PUS7: variants seen among roughly 807,000 people sequenced by gnomAD.
PUS7 encodes the protein pseudouridylate synthase 7 homolog.
A neutral mutation model predicts 79.8 loss-of-function variants in PUS7; 48 were observed. The observed-to-expected ratio is 0.60, with a 90% CI of 0.48 to 0.76. The LOEUF is 0.76. Among genes scored for constraint, PUS7 ranks in the 30% least tolerant of loss-of-function variants. PUS7 has a pLI of 0.00. For synonymous variants in PUS7, 286 were observed against 272.2 expected (o/e 1.05, Z -0.50); for missense variants, 729 against 797.6 (o/e 0.91, Z 1.04).
intron 5 of PUS7, among the ~76,000 whole-genome samples, chr7:105,498,869 T>C (rs1176278914): frequency 6.6e-6 from 1 of 152,226 alleles, no homozygotes; most frequent in Non-Finnish European, 1.5e-5. Context: ...TCAAGTGATC[T>C]GCCCGCCTCG....
In PUS7 at chr7:105,485,146, C is replaced by T. The variant is rs191825232; in HGVS notation, c.921-2706G>A. Among the ~76,000 whole-genome samples the T allele has an allele frequency of 2.0e-3, 301 of 151,650 alleles. 2 individuals carry two copies. Among genetic ancestry groups the T allele is most frequent in the African/African-American group, 7.0e-3 (290 of 41,360 alleles). ...CTGGGATTACAGGGGTCAGCCACCACACCTGGTCAGAGATTCTTTTTTTTT... is the reference window on the plus strand; with the variant it reads ...CTGGGATTACAGGGGTCAGCCACCATACCTGGTCAGAGATTCTTTTTTTTT... On this transcript the variant is annotated intron_variant, in intron 7 of 15. Transcript: ENST00000469408.
At chr7:105,464,310 G>C (rs1823551038) in intron 13 of PUS7, among the ~76,000 whole-genome samples, 1 of 152,208 alleles carries the variant, frequency 6.6e-6, no homozygotes, top group Non-Finnish European at 1.5e-5. Flanking sequence ...AGTAGGCACT[G>C]AGCTCAGCCT....
intron 12 of PUS7, among the ~76,000 whole-genome samples, chr7:105,466,530 G>C (rs1033292813): frequency 6.6e-6 from 1 of 151,980 alleles, no homozygotes; most frequent in South Asian, 2.1e-4. Context: ...TGGGATTACG[G>C]GTGTGAGCTA....
intron 1 of PUS7, among the ~76,000 whole-genome samples, chr7:105,512,488 G>A (rs540434390): frequency 6.6e-6 from 1 of 152,112 alleles, no homozygotes; most frequent in Non-Finnish European, 1.5e-5. Context: ...ACAATGCCTG[G>A]GCCAAATTTT....
intron 12 of PUS7, among the ~76,000 whole-genome samples, chr7:105,467,034 GTTTTTT>G (rs56177512): frequency 7.6e-4 from 54 of 70,692 alleles, no homozygotes; most frequent in African/African-American, 2.3e-3. Flanking sequence ...AGTTTTTTCT[GTTTTTT>G]TTTTTTTTTT....
intron 9 of PUS7, among the ~76,000 whole-genome samples, chr7:105,473,880 G>A (rs1459894859): frequency 6.6e-6 from 1 of 152,164 alleles, no homozygotes; most frequent in Non-Finnish European, 1.5e-5. Context: ...AAACTGAACG[G>A]TACATAAGAA....
intron 1 of PUS7, among the ~76,000 whole-genome samples, chr7:105,510,920 A>G (rs1201242677): frequency 6.6e-6 from 1 of 152,240 alleles, no homozygotes; most frequent in Non-Finnish European, 1.5e-5. Context: ...ATATCCATAA[A>G]TAAAGCAAAT....
chr7:105,498,428 G>A (rs1825120099), intron 5 of PUS7, among the ~76,000 whole-genome samples: 1 of 152,184 alleles, frequency 6.6e-6, no homozygotes, highest in Admixed American at 6.5e-5. Context: ...TTCCCAGGCT[G>A]GGTAATATGG....
intron 11 of PUS7, among the ~76,000 whole-genome samples, chr7:105,469,075 G>C (rs955349471): frequency 1.4e-5 from 2 of 147,602 alleles, no homozygotes; most frequent in African/African-American, 5.0e-5. Flanking sequence ...CTAGTTCTTT[G>C]AATTTTCTTT....
intron 9 of PUS7, among the ~76,000 whole-genome samples, chr7:105,473,339 T>G (rs818475): frequency 0.22 from 33,339 of 151,870 alleles, 5,002 homozygotes; most frequent in African/African-American, 0.43. Flanking sequence ...AACCTCTGCC[T>G]CTTGGGCTTA....
intron 1 of PUS7, among the ~76,000 whole-genome samples, chr7:105,516,546 C>G (rs761062862): frequency 3.3e-5 from 5 of 151,788 alleles, no homozygotes; most frequent in African/African-American, 4.8e-5. Context: ...CTCCACCTCC[C>G]GGGTTCAAGT....
Position 105,465,408 on chromosome 7 carries a change from G to A in PUS7, c.1532C>T (p.Ala511Val), listed in dbSNP as rs1823598093. The change falls in exon 13 of 16, where the codon GCC becomes GTC. Residue 511 changes from alanine to valine, a missense_variant. Transcript: ENST00000469408. ...AACATCATCTTCCTCAATATAGGTG[G>A]CTGTGGCTGTAAATTCACAAGTGAA... ...PGDLVLKGAT[A>V]TYIEEDDVNN... is the part of the protein sequence containing the mutation. The A allele has an allele frequency of 6.2e-7, 1 of 1,605,392 alleles. No individual in the cohort carries two copies. The highest frequency in any genetic ancestry group is 8.5e-7 in the Non-Finnish European group (1 of 1,173,420).
At chr7:105,460,535 A>G (rs1376679774) in intron 14 of PUS7, among the ~76,000 whole-genome samples, 1 of 152,254 alleles carries the variant, frequency 6.6e-6, no homozygotes, top group East Asian at 1.9e-4. Context: ...TATCAAATAA[A>G]GCTTTAGATA....
chr7:105,500,153 T>C (rs1454230777), intron 5 of PUS7, among the ~76,000 whole-genome samples: 1 of 152,136 alleles, frequency 6.6e-6, no homozygotes, highest in Non-Finnish European at 1.5e-5. Context: ...AAGAGGGAGT[T>C]GATCCAATCT....
At chr7:105,518,893 T>C (rs1825997244) in intron 1 of PUS7, among the ~76,000 whole-genome samples, 1 of 150,642 alleles carries the variant, frequency 6.6e-6, no homozygotes, top group East Asian at 2.0e-4. Flanking sequence ...CTCAGCCTCC[T>C]GAGTAGCTGG....
intron 1 of PUS7, among the ~76,000 whole-genome samples, chr7:105,516,360 G>A (rs1286017225): frequency 5.7e-4 from 87 of 152,128 alleles, no homozygotes; most frequent in Non-Finnish European, 1.5e-5. Flanking sequence ...TAGAAGAACT[G>A]TTCAGAGCTC....
At chr7:105,488,895 T>A (rs1036935430) in intron 7 of PUS7, among the ~76,000 whole-genome samples, 5 of 152,238 alleles carry the variant, frequency 3.3e-5, no homozygotes, top group Admixed American at 3.3e-4. Context: ...ACGCCTGTAA[T>A]CCCAGCACTT....
chr7:105,490,392 G>A (rs897445926), intron 7 of PUS7, among the ~76,000 whole-genome samples: 2 of 152,058 alleles, frequency 1.3e-5, no homozygotes, highest in Non-Finnish European at 2.9e-5. Context: ...AAATGTGTCT[G>A]ACACAGTACA....
At position 105,515,790 on chromosome 7, in the gene PUS7, A is replaced by T. The variant is rs886919285; in HGVS notation, c.-33+6262T>A. Among the ~76,000 whole-genome samples the T allele has an allele frequency of 7.9e-4, 25 of 31,832 alleles. No homozygotes were observed. In the East Asian group the frequency reaches 0.019, roughly 24 times the overall value. The allele number at this position is 31,832 out of a possible 152,430, so 20.9% of individuals were successfully genotyped here. A position where few individuals can be genotyped will look rare whatever the true frequency, so the allele number is the denominator to read the frequency against. ...CCGACTAAGTTTTGTATTTTATTTTATTTTATTTATTTATTTATTTATTTA... is the reference window on the plus strand; with the variant it reads ...CCGACTAAGTTTTGTATTTTATTTTTTTTTATTTATTTATTTATTTATTTA... On this transcript the variant is annotated intron_variant, in intron 1 of 15. Coordinates refer to ENST00000469408, the MANE Select transcript of PUS7 (RefSeq NM_019042.5).
Sources: gnomAD v4.1 joint callset for allele counts (sites outside exome capture counted in the v4.1 genomes callset) on GRCh38, gnomAD v4.1.1 for gene constraint, MANE v1.5 for transcripts, NCBI Gene and HGNC (gene_info 2026-07-23, HGNC 2026-07-21) for gene names.